Variants in PKP2 observed in about 807,000 individuals in gnomAD.
The protein encoded by PKP2 is plakophilin 2.
A neutral mutation model predicts 83.4 loss-of-function variants in PKP2; 73 were observed. That is an observed-to-expected ratio of 0.88 (90% CI 0.72 to 1.06). The LOEUF (loss-of-function observed/expected upper bound fraction) is 1.06, where lower values mean the gene tolerates loss of function less well. PKP2 is among the 50% of genes least tolerant of loss of function. The probability of loss-of-function intolerance (pLI) is 0.00; values close to 1 mark genes in which losing one functional copy is unlikely to be tolerated. For synonymous variants in PKP2, 409 were observed against 430.4 expected (o/e 0.95, Z 0.62); for missense variants, 966 against 1,065.4 (o/e 0.91, Z 1.30).
intron 11 of PKP2, among the ~76,000 whole-genome samples, chr12:32,793,993 C>T (rs1232682885): frequency 6.6e-6 from 1 of 152,170 alleles, no homozygotes; most frequent in Non-Finnish European, 1.5e-5. Flanking sequence ...TAGCACATGG[C>T]TGATTTTTTT....
At chr12:32,842,768 A>AG (rs1262450866) in intron 5 of PKP2, among the ~76,000 whole-genome samples, 1 of 151,580 alleles carries the variant, frequency 6.6e-6, no homozygotes, top group Non-Finnish European at 1.5e-5. Flanking sequence ...TCTGCCTCCC[A>AG]GGTTCAAGCA....
At chr12:32,852,357 TAGAC>T (rs1489978494) in intron 4 of PKP2, among the ~76,000 whole-genome samples, 6 of 152,146 alleles carry the variant, frequency 3.9e-5, no homozygotes, top group African/African-American at 1.4e-4. Flanking sequence ...CTCCCTTTCA[TAGAC>T]AGGTAAATGG....
chr12:32,896,422 C>T, intron 1 of PKP2, 87 bp downstream of exon 1: 1 of 1,070,262 alleles, frequency 9.3e-7, no homozygotes, highest in Non-Finnish European at 1.3e-6. Flanking sequence ...GTCCCGCACT[C>T]CCAGCACGCG....
At chr12:32,892,131 C>T (rs923027455) in intron 1 of PKP2, among the ~76,000 whole-genome samples, 4 of 151,998 alleles carry the variant, frequency 2.6e-5, no homozygotes, top group African/African-American at 9.7e-5. Context: ...CCTGATCCCT[C>T]CTACTTTCTG....
At chr12:32,855,773 C>CAAAAAAAAAAAAAAAAAAAA (rs11431590) in intron 4 of PKP2, among the ~76,000 whole-genome samples, 11 of 46,832 alleles carry the variant, frequency 2.3e-4, no homozygotes, top group African/African-American at 1.2e-3. Flanking sequence ...GACTCCATCT[C>CAAAAAAAAAAAAAAAAAAAA]AAAAAAAAAA....
chr12:32,839,892 GGT>G (rs1292365717), intron 6 of PKP2, among the ~76,000 whole-genome samples: 2 of 152,160 alleles, frequency 1.3e-5, no homozygotes, highest in Non-Finnish European at 2.9e-5. Flanking sequence ...TCAAGAATGT[GGT>G]CCTTTATCTT....
intron 6 of PKP2, among the ~76,000 whole-genome samples, chr12:32,835,036 G>T (rs1032356965): frequency 2.1e-5 from 3 of 143,878 alleles, no homozygotes; most frequent in Admixed American, 1.4e-4. Flanking sequence ...TGGAATCAAA[G>T]AAGACAGCCA....
Position 32,808,735 on chromosome 12 carries a change from G to T in PKP2, c.2014-6179C>A, listed in dbSNP as rs937678331. Among the ~76,000 whole-genome samples, 6 of 152,228 alleles carry T rather than the reference G, an allele frequency of 3.9e-5. 1 individual carries two copies. The South Asian group carries it at 1.2e-3, about 32-fold the overall frequency. ...GGTCTTTTTTGTTGATGTTGTTGTT[G>T]TTTTTTTCTTTTCACGGTCAGGCTA... On this transcript the variant is annotated intron_variant, in intron 9 of 12. Coordinates refer to ENST00000340811, the MANE Select transcript of PKP2 (RefSeq NM_001005242.3).
intron 3 of PKP2, among the ~76,000 whole-genome samples, chr12:32,873,964 T>G (rs973918906): frequency 6.6e-6 from 1 of 152,214 alleles, no homozygotes; most frequent in Non-Finnish European, 1.5e-5. Context: ...TTGTGGTGAT[T>G]CTTAAAAACC....
intron 3 of PKP2, among the ~76,000 whole-genome samples, chr12:32,873,912 G>A (rs935155388): frequency 6.6e-6 from 1 of 151,902 alleles, no homozygotes. Context: ...CCTCCAACTG[G>A]TCATAAATCA....
intron 6 of PKP2, among the ~76,000 whole-genome samples, chr12:32,827,449 A>C (rs1956453476): frequency 6.6e-6 from 1 of 152,264 alleles, no homozygotes; most frequent in Admixed American, 6.5e-5. Flanking sequence ...TTAGACAGAA[A>C]GTAATTTGTT....
At chr12:32,796,366 A>G in intron 10 of PKP2, 68 bp from the exon 11 acceptor site, 1 of 1,333,200 alleles carries the variant, frequency 7.5e-7, no homozygotes, top group Non-Finnish European at 1.1e-6. Flanking sequence ...AGATCCCAAT[A>G]TATTTTGGGT....
chr12:32,807,235 G>T (rs1048441922), intron 9 of PKP2, among the ~76,000 whole-genome samples: 1 of 152,172 alleles, frequency 6.6e-6, no homozygotes, highest in Non-Finnish European at 1.5e-5. Context: ...TTGATCCAGA[G>T]CTGAGTTAAC....
Position 32,877,986 on chromosome 12 carries a change from G to A in PKP2, c.894C>T (p.Thr298=). 9 of 1,614,068 alleles carry A rather than the reference G, an allele frequency of 5.6e-6. No homozygotes were observed. The highest frequency in any genetic ancestry group is 1.3e-5 in the African/African-American group (1 of 75,062). ...SSWHQSSFHS[T]RTLREAGPSV... is the part of the protein sequence containing the mutation. ...TGGGCCCAGCTTCCCTCAGCGTGCG[G>A]GTGCTGTGGAAGGAGCTCTGATGCC... The change falls in exon 3 of 13, where the codon ACC becomes ACT. Residue 298 remains threonine (T), a synonymous_variant. Transcript: ENST00000340811.
At chr12:32,795,527 C>T (rs150563868) in intron 11 of PKP2, among the ~76,000 whole-genome samples, 7,908 of 152,180 alleles carry the variant, frequency 0.052, 256 homozygotes, top group Non-Finnish European at 0.079. Flanking sequence ...ATTACAGACA[C>T]GCACCACCAC....
At position 32,792,231 on chromosome 12, in the gene PKP2, T is replaced by C. The variant is rs1342646687; in HGVS notation, c.*193A>G. 47 of 635,594 alleles carry C rather than the reference T, an allele frequency of 7.4e-5. No individual in the cohort carries two copies. The highest frequency in any genetic ancestry group is 2.4e-5 in the Admixed American group (1 of 40,856). 39.4% of individuals were successfully genotyped at this position (635,594 alleles called of 1,614,324 possible). A position where few individuals can be genotyped will look rare whatever the true frequency, so the allele number is the denominator to read the frequency against. On this transcript the variant is annotated 3_prime_UTR_variant, in exon 13 of 13. Transcript: ENST00000340811. ...TGTCGAGCCTGTGGCCGGTATCTAC[T>C]GGTGGCAAACTTGCAAAGGTCTTCT...
At chr12:32,896,312 C>T (rs1291821165) in intron 1 of PKP2, among the ~76,000 whole-genome samples, 197 bp downstream of exon 1, 2 of 152,212 alleles carry the variant, frequency 1.3e-5, no homozygotes, top group Non-Finnish European at 2.9e-5. Flanking sequence ...ACATAGGTAC[C>T]TATATGACAA....
intron 5 of PKP2, 114 bp from the exon 6 acceptor site, chr12:32,841,319 G>T (rs1282579355): frequency 2.5e-6 from 2 of 795,426 alleles, no homozygotes; most frequent in African/African-American, 1.7e-5. Context: ...AAAAAAATTT[G>T]GGGGGTTGGG....
At chr12:32,801,779 G>T in intron 10 of PKP2, among the ~76,000 whole-genome samples, 1 of 119,956 alleles carries the variant, frequency 8.3e-6, no homozygotes, top group Admixed American at 8.1e-5. Context: ...CATACTTCTT[G>T]GTATAAGCAA....
Sources: allele counts gnomAD v4.1 joint callset (sites outside exome capture counted in the v4.1 genomes callset), GRCh38; gene constraint gnomAD v4.1.1; transcripts MANE v1.5; gene names NCBI Gene and HGNC (gene_info 2026-07-23, HGNC 2026-07-21).